SNAP47: variants seen among roughly 807,000 people sequenced by gnomAD.
SNAP47 encodes the protein synaptosomal-associated protein 47.
A neutral mutation model predicts 31.4 loss-of-function variants in SNAP47; 20 were observed. The ratio of observed to expected loss-of-function variants is 0.64; its 90% confidence interval spans 0.45 to 0.93. SNAP47 has a LOEUF of 0.93. Among genes scored for constraint, SNAP47 ranks in the 40% least tolerant of loss-of-function variants. The pLI is 0.00. For missense variants in SNAP47, 492 were observed against 528.5 expected, an observed-to-expected ratio of 0.93 and a Z score of 0.68; for synonymous variants, 194 against 213.4, an observed-to-expected ratio of 0.91 and a Z score of 0.79.
At chr1:227,768,451 T>C in intron 4 of SNAP47, 1 of 376,978 alleles carries the variant, frequency 2.7e-6, no homozygotes. Flanking sequence ...AGGAGGTGGA[T>C]AAAGACACTC....
chr1:227,751,150 T>C (rs1169246158), intron 2 of SNAP47, among the ~76,000 whole-genome samples: 1 of 152,194 alleles, frequency 6.6e-6, no homozygotes, highest in Non-Finnish European at 1.5e-5. Flanking sequence ...CTGAACACTG[T>C]GGCTTTGATT....
At chr1:227,766,718 G>A (rs974319496) in intron 3 of SNAP47, among the ~76,000 whole-genome samples, 1 of 152,212 alleles carries the variant, frequency 6.6e-6, no homozygotes, top group African/African-American at 2.4e-5. Context: ...AAAACCACTT[G>A]GGATGTAGGG....
At chr1:227,753,785 C>T (rs1036884966) in intron 2 of SNAP47, among the ~76,000 whole-genome samples, 24 of 151,890 alleles carry the variant, frequency 1.6e-4, no homozygotes, top group Admixed American at 5.2e-4. Flanking sequence ...ACTGAAGCCA[C>T]GGCTGGCTTC....
At chr1:227,740,192 G>T (rs572757796) in intron 1 of SNAP47, among the ~76,000 whole-genome samples, 1 of 152,332 alleles carries the variant, frequency 6.6e-6, no homozygotes, top group East Asian at 1.9e-4. Flanking sequence ...CCTGCGGAGT[G>T]GAGCCACCAA....
intron 1 of SNAP47, chr1:227,736,626 A>G (rs964262241): frequency 4.9e-5 from 7 of 142,428 alleles, no homozygotes; most frequent in African/African-American, 1.6e-4. Flanking sequence ...CAGCCTCCCA[A>G]GTAGCTGGGA....
At chr1:227,779,621 C>G (rs1018859142) in intron 4 of SNAP47, among the ~76,000 whole-genome samples, 4 of 152,208 alleles carry the variant, frequency 2.6e-5, no homozygotes, top group African/African-American at 9.7e-5. Context: ...GTGGGTCACT[C>G]AAGTTTCCTT....
At chr1:227,766,233 G>A (rs1456124457) in intron 3 of SNAP47, among the ~76,000 whole-genome samples, 1 of 152,208 alleles carries the variant, frequency 6.6e-6, no homozygotes, top group East Asian at 1.9e-4. Flanking sequence ...TGACATCCTC[G>A]TAAATGACGG....
intron 3 of SNAP47, among the ~76,000 whole-genome samples, chr1:227,766,011 C>T (rs957505495): frequency 6.6e-6 from 1 of 152,148 alleles, no homozygotes; most frequent in African/African-American, 2.4e-5. Context: ...GCCCTTGGCC[C>T]CAGCAAGAGT....
At chr1:227,752,353 C>G (rs1438459299) in intron 2 of SNAP47, among the ~76,000 whole-genome samples, 1 of 152,124 alleles carries the variant, frequency 6.6e-6, no homozygotes, top group Admixed American at 6.5e-5. Context: ...CATTACTGCC[C>G]AGAGCTCATT....
rs1342764246 is a variant in SNAP47 at position 227,777,678 on chromosome 1, C to T, written c.1114-2849C>T. On this transcript the variant is annotated intron_variant, in intron 4 of 4. Transcript: ENST00000617596. ...TTATTTGTTTTCCCTATCATTTTTACCTTTGAACATCTGGGTCAGGGTTAG... is the reference window on the plus strand; with the variant it reads ...TTATTTGTTTTCCCTATCATTTTTATCTTTGAACATCTGGGTCAGGGTTAG... 5.3e-5 allele frequency among the ~76,000 whole-genome samples: 8 copies of T among 152,280 alleles called. No individual in the cohort carries two copies. In the South Asian group the frequency reaches 6.2e-4, roughly 12 times the overall value.
intron 4 of SNAP47, among the ~76,000 whole-genome samples, chr1:227,773,937 A>G (rs1439403142): frequency 6.6e-6 from 1 of 152,242 alleles, no homozygotes; most frequent in Non-Finnish European, 1.5e-5. Context: ...GTTTTCATTC[A>G]TCTCAAATAA....
intron 1 of SNAP47, 123 bp downstream of exon 1, chr1:227,735,622 T>TG (rs979345835): frequency 1.4e-5 from 19 of 1,310,656 alleles, no homozygotes; most frequent in Non-Finnish European, 1.8e-5. Context: ...CCCCGGGGGG[T>TG]GGGGGGTATG....
intron 1 of SNAP47, among the ~76,000 whole-genome samples, chr1:227,740,636 C>T (rs1661526261): frequency 1.3e-5 from 2 of 152,160 alleles, no homozygotes; most frequent in Non-Finnish European, 2.9e-5. Context: ...AACACCTTCC[C>T]CCAAGTGTGT....
intron 2 of SNAP47, among the ~76,000 whole-genome samples, chr1:227,749,062 C>CT (rs1366583119): frequency 6.6e-6 from 1 of 152,170 alleles, no homozygotes; most frequent in African/African-American, 2.4e-5. Flanking sequence ...TCTTAGAACT[C>CT]TTTTGTGTTC....
chr1:227,731,465 T>A (rs1445639656), upstream of SNAP47: 11 of 152,248 alleles, frequency 7.2e-5, no homozygotes, highest in Admixed American at 7.2e-4. Flanking sequence ...AATGCTGGAC[T>A]CTCGGTCAAG....
At chr1:227,761,261 C>T (rs1663043040) in intron 3 of SNAP47, among the ~76,000 whole-genome samples, 1 of 152,184 alleles carries the variant, frequency 6.6e-6, no homozygotes, top group Admixed American at 6.5e-5. Context: ...GTTTTGCTTG[C>T]TATTCCAGAT....
intron 1 of SNAP47, among the ~76,000 whole-genome samples, chr1:227,738,769 G>A (rs1661401532): frequency 6.6e-6 from 1 of 152,182 alleles, no homozygotes; most frequent in South Asian, 2.1e-4. Context: ...TTGGAATATG[G>A]TTCCGAGTTT....
chr1:227,737,670 C>G, intron 1 of SNAP47, among the ~76,000 whole-genome samples: 1 of 151,998 alleles, frequency 6.6e-6, no homozygotes, highest in East Asian at 1.9e-4. Flanking sequence ...TGAGGTTTAC[C>G]CAGGAGAACA....
chr1:227,754,815 A>G (rs1315486197), intron 2 of SNAP47, among the ~76,000 whole-genome samples: 2 of 152,190 alleles, frequency 1.3e-5, no homozygotes, highest in Non-Finnish European at 2.9e-5. Context: ...GTGAGAGGGA[A>G]TCAAAAGTGT....
Sources: gnomAD v4.1 joint callset for allele counts (sites outside exome capture counted in the v4.1 genomes callset) on GRCh38, gnomAD v4.1.1 for gene constraint, MANE v1.5 for transcripts, NCBI Gene and HGNC (gene_info 2026-07-23, HGNC 2026-07-21) for gene names.